The following SPDYC variants were observed in gnomAD, a reference collection of about 807,000 sequenced individuals.
The protein encoded by SPDYC is speedy protein C.
A neutral mutation model predicts 33.9 loss-of-function variants in SPDYC; 25 were observed. That is an observed-to-expected ratio of 0.74 (90% CI 0.54 to 1.03). The LOEUF (loss-of-function observed/expected upper bound fraction) is 1.03. Among genes scored for constraint, SPDYC ranks in the 50% least tolerant of loss-of-function variants. The pLI, the probability that SPDYC is intolerant of heterozygous loss-of-function variation, is 0.00. For synonymous variants in SPDYC, 133 were observed against 140.2 expected, an observed-to-expected ratio of 0.95 and a Z score of 0.36; for missense variants, 349 against 382.9, an observed-to-expected ratio of 0.91 and a Z score of 0.74.
chr11:65,172,584 G>A, exon 5 of SPDYC: 1 of 1,553,474 alleles, frequency 6.4e-7, no homozygotes. Flanking sequence ...GGGCTGTTGT[G>A]AGCCGCCAGT....
At chr11:65,170,250 T>C in exon 1 of SPDYC, 1 of 1,578,852 alleles carries the variant, frequency 6.3e-7, no homozygotes, top group Non-Finnish European at 8.6e-7. Flanking sequence ...TCTGGGCCAT[T>C]CCTGAGCTCG....
intron 1 of SPDYC, 86 bp downstream of exon 1, chr11:65,170,347 C>G: frequency 7.4e-7 from 1 of 1,344,772 alleles, no homozygotes; most frequent in Non-Finnish European, 9.8e-7. Flanking sequence ...GTCGACCGCA[C>G]GTTCTCCTCG....
Position 65,172,018 on chromosome 11 carries a change from T to TG in SPDYC, c.258+22dup, listed in dbSNP as rs746775417. ...TCAGATAAGGTGAGGGAGTACAGGC[T>TG]GGGGGTCTCTTGAGGGTCAGGTTGA... On this transcript the variant is annotated intron_variant, in intron 3 of 6. Transcript: ENST00000377185. The TG allele has an allele frequency of 3.1e-6, 5 of 1,613,840 alleles. No homozygotes were observed. The highest frequency in any genetic ancestry group is 1.1e-5 in the South Asian group (1 of 91,056).
chr11:65,171,795 T>C, intron 2 of SPDYC, 148 bp from the exon 3 acceptor site: 1 of 734,666 alleles, frequency 1.4e-6, no homozygotes, highest in South Asian at 1.8e-5. Context: ...CTATTTATAT[T>C]AAGAAAGAGA....
chr11:65,172,879 C>T (rs368140453), exon 6 of SPDYC: 25 of 1,614,044 alleles, frequency 1.5e-5, no homozygotes, highest in African/African-American at 4.0e-5. Context: ...ATCCAAGTGC[C>T]CTTCTCTGAC....
At chr11:65,172,375 C>T (rs1377612157) in intron 4 of SPDYC, 44 bp downstream of exon 4, 1 of 1,614,056 alleles carries the variant, frequency 6.2e-7, no homozygotes, top group African/African-American at 1.3e-5. Context: ...CTGGAGGTGT[C>T]AGATGGGACA....
chr11:65,171,329 C>A lies in SPDYC; in HGVS notation c.29C>A (p.Ser10Ter), dbSNP rs779335798. ...TCCTGAGCCTCCTTTCTCTACAGGTCACCCTGCCCCATCTCCATCTCCTAT... is the reference window on the plus strand; with the variant it reads ...TCCTGAGCCTCCTTTCTCTACAGGTAACCCTGCCCCATCTCCATCTCCTAT... The change falls in exon 2 of 7, where the codon TCA (serine) becomes TAA (stop). Residue 10 changes from serine (S) to a stop codon, truncating the protein, a stop_gained and splice_region_variant. An upstream open reading frame in the 5' UTR gains an earlier in-frame stop. Coordinates refer to ENST00000377185, the Ensembl canonical transcript of SPDYC. LOFTEE classifies it high-confidence loss of function. 1 of 1,607,194 alleles carries A rather than the reference C, an allele frequency of 6.2e-7. No homozygotes were observed. Among genetic ancestry groups the A allele is most frequent in the Middle Eastern group, 1.7e-4 (1 of 6,028 alleles).
intron 1 of SPDYC, among the ~76,000 whole-genome samples, chr11:65,171,073 C>CGGTGCTTGTTGCTGCTGTTACTCT (rs1948425699): frequency 6.6e-6 from 1 of 152,056 alleles, no homozygotes; most frequent in Non-Finnish European, 1.5e-5. Flanking sequence ...AAGCCCTCAG[C>CGGTGCTTGTTGCTGCTGTTACTCT]GGTGCTTGTT....
chr11:65,171,223 G>T (rs945964852), intron 1 of SPDYC, 104 bp from the exon 2 acceptor site: 148 of 1,289,314 alleles, frequency 1.1e-4, no homozygotes, highest in Non-Finnish European at 1.5e-4. Flanking sequence ...GAGCCCCCAA[G>T]TCTCTGCACC....
At chr11:65,171,592 GA>G in intron 2 of SPDYC, 93 bp downstream of exon 2, 1 of 1,347,680 alleles carries the variant, frequency 7.4e-7, no homozygotes, top group Non-Finnish European at 9.9e-7. Context: ...ACAGACATCT[GA>G]GACCTCTGAC....
exon 6 of SPDYC, chr11:65,172,861 C>A: frequency 6.2e-7 from 1 of 1,614,182 alleles, no homozygotes; most frequent in Non-Finnish European, 8.5e-7. Context: ...CTTGCTTAAG[C>A]CTGTGTCATC....
At chr11:65,173,266 C>T (rs1363861699), downstream of SPDYC, 1 of 1,601,522 alleles carries the variant, frequency 6.2e-7, no homozygotes, top group Non-Finnish European at 8.5e-7. Flanking sequence ...CTGACTGACA[C>T]ACCATTGGCT....
chr11:65,172,131 C>T, intron 3 of SPDYC, 115 bp from the exon 4 acceptor site: 1 of 1,499,592 alleles, frequency 6.7e-7, no homozygotes, highest in Non-Finnish European at 9.3e-7. Flanking sequence ...CACTTCCCAC[C>T]ATTTTACTGA....
At chr11:65,172,740 T>A in exon 6 of SPDYC, 1 of 1,613,580 alleles carries the variant, frequency 6.2e-7, no homozygotes, top group Non-Finnish European at 8.5e-7. Context: ...GCCCCCACCA[T>A]GGTGGGGTTC....
At chr11:65,172,299 C>G (rs767647631) in exon 4 of SPDYC, 14 of 1,614,026 alleles carry the variant, frequency 8.7e-6, no homozygotes, top group African/African-American at 4.0e-5. Flanking sequence ...TGAAGCTCAG[C>G]GAGTATACCC....
In SPDYC at chr11:65,172,768, G is replaced by GT. The variant is rs768039575; in HGVS notation, c.602dup (p.Val203CysfsTer29). 2.5e-6 allele frequency: 4 copies of GT among 1,613,868 alleles called. No homozygotes were observed. The highest frequency in any genetic ancestry group is 2.5e-6 in the Non-Finnish European group (3 of 1,180,030). ...TGGGGTTCAGAGGGTCTGTCCACAG[G>GT]TCCCTGTTCGCCTTCCCCGGGGCCC... On this transcript the variant is annotated frameshift_variant, in exon 6 of 7. Transcript: ENST00000377185. LOFTEE classifies it high-confidence loss of function.
chr11:65,172,190 G>C, intron 3 of SPDYC, 56 bp from the exon 4 acceptor site: 1 of 1,601,564 alleles, frequency 6.2e-7, no homozygotes, highest in East Asian at 2.2e-5. Context: ...GAACCTGGGT[G>C]CAAGCCCCTC....
At chr11:65,170,798 A>T (rs543770723) in intron 1 of SPDYC, among the ~76,000 whole-genome samples, 2 of 152,210 alleles carry the variant, frequency 1.3e-5, no homozygotes, top group East Asian at 1.9e-4. Flanking sequence ...CTGGAGAATC[A>T]GTTGAACCCG....
exon 6 of SPDYC, chr11:65,172,784 C>A (rs1327641593): frequency 3.1e-6 from 5 of 1,614,040 alleles, no homozygotes; most frequent in Non-Finnish European, 8.5e-7. Flanking sequence ...GTTCGCCTTC[C>A]CCGGGGCCCT....
Sources: gnomAD v4.1 joint callset for allele counts (sites outside exome capture counted in the v4.1 genomes callset) on GRCh38, gnomAD v4.1.1 for gene constraint, MANE v1.5 for transcripts, NCBI Gene and HGNC (gene_info 2026-07-23, HGNC 2026-07-21) for gene names.